The following UBA2 variants were observed in gnomAD, a reference collection of about 807,000 sequenced individuals.
UBA2 encodes the protein ubiquitin like modifier activating enzyme 2.
Under a neutral mutation model 77.2 loss-of-function variants are expected in UBA2, and 11 were observed. That is an observed-to-expected ratio of 0.14 (90% CI 0.09 to 0.24). The LOEUF is 0.24. Ranked by LOEUF, UBA2 falls within the 10% of genes least tolerant of loss-of-function variation. UBA2 has a pLI of 1.00. For synonymous variants in UBA2, 278 were observed against 276.7 expected (o/e 1.00, Z -0.05); for missense variants, 487 against 781.7 (o/e 0.62, Z 4.50).
At chr19:34,446,895 C>T (rs996818135) in intron 8 of UBA2, among the ~76,000 whole-genome samples, 14 of 152,144 alleles carry the variant, frequency 9.2e-5, no homozygotes, top group Admixed American at 2.6e-4. Flanking sequence ...CATGAGCCGT[C>T]GTGCCCAGCC....
chr19:34,463,841 C>A (rs1385791313), intron 14 of UBA2, among the ~76,000 whole-genome samples, 185 bp from the exon 15 acceptor site: 1 of 152,162 alleles, frequency 6.6e-6, no homozygotes, highest in Non-Finnish European at 1.5e-5. Context: ...TTTAATCATT[C>A]CTTTAAAAAG....
intron 3 of UBA2, among the ~76,000 whole-genome samples, chr19:34,432,856 G>T (rs1183533129): frequency 6.6e-6 from 1 of 151,462 alleles, no homozygotes; most frequent in Admixed American, 6.6e-5. Context: ...CACCCGGCCT[G>T]TATCTCCGGC....
chr19:34,467,320 AAATT>A (rs2075697949), intron 16 of UBA2, among the ~76,000 whole-genome samples: 1 of 151,834 alleles, frequency 6.6e-6, no homozygotes, highest in Non-Finnish European at 1.5e-5. Flanking sequence ...AGAAAAAAAA[AAATT>A]AACCACGCAT....
At chr19:34,468,556 C>T (rs1393864529) in intron 16 of UBA2, among the ~76,000 whole-genome samples, 1 of 152,204 alleles carries the variant, frequency 6.6e-6, no homozygotes, top group Non-Finnish European at 1.5e-5. Context: ...TCATCCTCTG[C>T]TACTATGTAA....
chr19:34,440,584 TAGTC>T (rs963152563), intron 6 of UBA2, among the ~76,000 whole-genome samples: 24 of 152,304 alleles, frequency 1.6e-4, no homozygotes, highest in African/African-American at 5.3e-4. Flanking sequence ...AAACAATTGC[TAGTC>T]AGTCTCACAC....
At chr19:34,445,245 G>T in intron 8 of UBA2, 124 bp downstream of exon 8, 1 of 946,812 alleles carries the variant, frequency 1.1e-6, no homozygotes. Flanking sequence ...TATGCCTTGT[G>T]ATGTCCTAAT....
chr19:34,430,803 A>G, intron 2 of UBA2, 144 bp downstream of exon 2: 1 of 621,266 alleles, frequency 1.6e-6, no homozygotes, highest in Non-Finnish European at 2.8e-6. Flanking sequence ...AAGATATATC[A>G]AGTAAAGGAC....
intron 1 of UBA2, chr19:34,428,825 C>A: frequency 8.7e-7 from 1 of 1,151,602 alleles, no homozygotes; most frequent in Non-Finnish European, 1.1e-6. Flanking sequence ...TCCCCGGCAG[C>A]GCCAATGTGT....
At chr19:34,431,555 TAAGTG>T (rs1425229742) in intron 2 of UBA2, among the ~76,000 whole-genome samples, 1 of 152,212 alleles carries the variant, frequency 6.6e-6, no homozygotes, top group Non-Finnish European at 1.5e-5. Flanking sequence ...AAATACTTGT[TAAGTG>T]AATGAATGAA....
At chr19:34,433,256 T>G in intron 3 of UBA2, 92 bp from the exon 4 acceptor site, 1 of 880,586 alleles carries the variant, frequency 1.1e-6, no homozygotes, top group Non-Finnish European at 1.8e-6. Context: ...TTGTTTACAG[T>G]TACTATGTTT....
At position 34,464,048 on chromosome 19, in the gene UBA2, A is replaced by G. The variant is rs1234814951; in HGVS notation, c.1521A>G (p.Ser507=). 1.2e-6 allele frequency: 2 copies of G among 1,613,690 alleles called. No individual in the cohort carries two copies. Among genetic ancestry groups the G allele is most frequent in the South Asian group, 2.2e-5 (2 of 91,076 alleles). The change falls in exon 15 of 17, where the codon TCA becomes TCG. Residue 507 remains serine (S), a synonymous_variant. Coordinates refer to ENST00000246548, the MANE Select transcript of UBA2 (RefSeq NM_005499.3). The part of the protein sequence containing the change: ...ETEANNHKKL[S]EFGIRNGSRL... The stretch of plus-strand genomic sequence containing the variant: ...TAGCTAATAATCACAAGAAGTTGTC[A>G]GAATTTGGAATTAGAAATGGCAGCC...
At chr19:34,454,590 C>G in intron 12 of UBA2, 34 bp downstream of exon 12, 1 of 1,068,496 alleles carries the variant, frequency 9.4e-7, no homozygotes, top group Non-Finnish European at 1.3e-6. Context: ...TATGCAACCC[C>G]CCTTAAAAAA....
intron 1 of UBA2, 62 bp downstream of exon 1, chr19:34,428,632 T>C: frequency 4.0e-6 from 4 of 1,011,524 alleles, no homozygotes; most frequent in Non-Finnish European, 4.9e-6. Context: ...GATTCGGGGG[T>C]TCCGGGGCTC....
At chr19:34,441,655 A>G (rs1599900604) in intron 6 of UBA2, among the ~76,000 whole-genome samples, 3 of 152,184 alleles carry the variant, frequency 2.0e-5, no homozygotes, top group East Asian at 3.9e-4. Context: ...AGCTTTATTT[A>G]TTTGGCAAAC....
chr19:34,431,492 C>G (rs1568366134), intron 2 of UBA2, among the ~76,000 whole-genome samples: 2 of 151,966 alleles, frequency 1.3e-5, no homozygotes, highest in Non-Finnish European at 1.5e-5. Flanking sequence ...ATTAATGTCT[C>G]TCTTGCTTGA....
chr19:34,433,665 A>T (rs1221223890), intron 4 of UBA2, among the ~76,000 whole-genome samples: 1 of 152,212 alleles, frequency 6.6e-6, no homozygotes, highest in East Asian at 1.9e-4. Context: ...AAGCTCTCAA[A>T]AAGTGTGACT....
At position 34,447,932 on chromosome 19, in the gene UBA2, A is replaced by C. The variant is rs146304790; in HGVS notation, c.772-2333A>C. 6.9e-3 allele frequency among the ~76,000 whole-genome samples: 1,055 copies of C among 152,334 alleles called. 7 individuals carry two copies. The highest frequency in any genetic ancestry group is 0.024 in the African/African-American group (978 of 41,568). On this transcript the variant is annotated intron_variant, in intron 8 of 16. Transcript: ENST00000246548. ...TACAAGGAAACTCTGAATAGGGTAC[A>C]GTATGTACAAGGAAACTCTCAGTTG...
chr19:34,431,391 A>C (rs1309408558), intron 2 of UBA2, among the ~76,000 whole-genome samples: 1 of 151,606 alleles, frequency 6.6e-6, no homozygotes, highest in African/African-American at 2.4e-5. Flanking sequence ...TGCTGGGATT[A>C]CAGGCATGAG....
intron 14 of UBA2, 147 bp from the exon 15 acceptor site, chr19:34,463,879 G>A: frequency 1.6e-6 from 1 of 623,090 alleles, no homozygotes; most frequent in South Asian, 2.0e-5. Context: ...ATCAGATTCT[G>A]AGATACTGGG....
Sources: gnomAD v4.1 joint callset for allele counts (sites outside exome capture counted in the v4.1 genomes callset) on GRCh38, gnomAD v4.1.1 for gene constraint, MANE v1.5 for transcripts, NCBI Gene and HGNC (gene_info 2026-07-23, HGNC 2026-07-21) for gene names.